The following GMPS variants were observed in gnomAD, a reference collection of about 807,000 sequenced individuals.
GMPS encodes guanosine monophosphate synthase, also known as GMP synthase [glutamine-hydrolyzing].
In GMPS, 15 loss-of-function variants were observed where a neutral mutation model predicts 77.9. The ratio of observed to expected loss-of-function variants is 0.19; its 90% CI spans 0.13 to 0.30. GMPS has a LOEUF of 0.30. GMPS is among the 10% of genes least tolerant of loss of function. GMPS has a pLI of 1.00. For synonymous variants in GMPS, 224 were observed against 275.9 expected, an observed-to-expected ratio of 0.81 and a Z score of 1.86; for missense variants, 590 against 838.8, an observed-to-expected ratio of 0.70 and a Z score of 3.66.
At position 155,943,977 on chromosome 3, in the gene GMPS, CGT is replaced by C. The variant is rs1755952668; in HGVS notation, c.*6286_*6287del. On this transcript the variant is annotated 3_prime_UTR_variant, in exon 16 of 16. Coordinates refer to ENST00000496455, the MANE Select transcript of GMPS (RefSeq NM_003875.3). Reference sequence around the variant, plus strand: ...TTTATTTAAATGAGCTAAAGGTGTGCGTATACACATGCACTTATAAAATTAAA... The same window carrying C: ...TTTATTTAAATGAGCTAAAGGTGTGCATACACATGCACTTATAAAATTAAA... The C allele has an allele frequency of 2.0e-5, 3 of 152,184 alleles. No homozygotes were observed. The South Asian group carries it at 6.2e-4, about 32-fold the overall frequency. The allele number at this position is 152,184 out of a possible 1,614,324, so 9.4% of individuals were successfully genotyped here. A position where few individuals can be genotyped will look rare whatever the true frequency, so the allele number is the denominator to read the frequency against.
At chr3:155,895,308 T>A (rs1754575376) in intron 2 of GMPS, 1 of 152,146 alleles carries the variant, frequency 6.6e-6, no homozygotes, top group African/African-American at 2.4e-5. Flanking sequence ...TTTTATTTTT[T>A]TTTTATTATT....
chr3:155,936,205 A>G (rs951578149), intron 14 of GMPS, 133 bp from the exon 15 acceptor site: 12 of 618,144 alleles, frequency 1.9e-5, no homozygotes, highest in Middle Eastern at 4.4e-4. Context: ...GCTGAAATCA[A>G]TGCATGATGA....
intron 9 of GMPS, among the ~76,000 whole-genome samples, chr3:155,917,511 T>C (rs1755212310): frequency 6.6e-6 from 1 of 152,210 alleles, no homozygotes; most frequent in Admixed American, 6.5e-5. Flanking sequence ...TTTTGTGACT[T>C]GCTTATTTCA....
chr3:155,935,105 T>C, intron 14 of GMPS, 59 bp downstream of exon 14: 2 of 1,188,690 alleles, frequency 1.7e-6, no homozygotes, highest in African/African-American at 1.5e-5. Flanking sequence ...AAGCTTGATA[T>C]TAAGAGTAGG....
intron 1 of GMPS, among the ~76,000 whole-genome samples, chr3:155,876,623 T>C (rs1754055249): frequency 6.6e-6 from 1 of 152,228 alleles, no homozygotes; most frequent in Non-Finnish European, 1.5e-5. Context: ...CTAACAGATG[T>C]ACATCAGGAG....
chr3:155,876,550 A>G (rs1754054078), intron 1 of GMPS, among the ~76,000 whole-genome samples: 1 of 152,236 alleles, frequency 6.6e-6, no homozygotes, highest in Non-Finnish European at 1.5e-5. Flanking sequence ...TAAGGCAGTT[A>G]TTCATAGTAT....
intron 1 of GMPS, among the ~76,000 whole-genome samples, chr3:155,874,039 T>C (rs406701): frequency 0.81 from 123,771 of 152,142 alleles, 50,542 homozygotes; most frequent in African/African-American, 0.86. Flanking sequence ...ACCCGCTTCC[T>C]ACCCTTTCCC....
chr3:155,930,064 C>T (rs1343999309), intron 12 of GMPS, among the ~76,000 whole-genome samples: 1 of 146,694 alleles, frequency 6.8e-6, no homozygotes, highest in African/African-American at 2.5e-5. Context: ...CAATCCTAAG[C>T]CAAAAGAACA....
rs181047242 is a variant in GMPS at position 155,872,254 on chromosome 3, A to T, written c.27+1357A>T. 2.0e-5 allele frequency among the ~76,000 whole-genome samples: 3 copies of T among 152,346 alleles called. No homozygotes were observed. In the East Asian group the frequency reaches 5.8e-4, roughly 29 times the overall value. On this transcript the variant is annotated intron_variant, in intron 1 of 15. Transcript: ENST00000496455. ...TTCAAAAAGTATTTGTCGAACAATG[A>T]GTAAAAGATTATAAGGTAGCTGATT...
intron 3 of GMPS, among the ~76,000 whole-genome samples, chr3:155,900,983 C>T (rs1168963456): frequency 6.6e-6 from 1 of 152,110 alleles, no homozygotes; most frequent in African/African-American, 2.4e-5. Flanking sequence ...CTGGACTCTC[C>T]TGTCAGAGGC....
At chr3:155,894,737 C>T (rs1295737551) in intron 2 of GMPS, among the ~76,000 whole-genome samples, 2 of 152,272 alleles carry the variant, frequency 1.3e-5, no homozygotes, top group South Asian at 4.1e-4. Flanking sequence ...TTAAAGACTT[C>T]ACAGACATGT....
chr3:155,886,164 ATTGCAC>A (rs1754329539), intron 1 of GMPS, among the ~76,000 whole-genome samples: 1 of 151,996 alleles, frequency 6.6e-6, no homozygotes, highest in African/African-American at 2.4e-5. Flanking sequence ...ATATTAAGGG[ATTGCAC>A]TTGTCCATTC....
chr3:155,900,581 C>T (rs1754712376), intron 3 of GMPS, among the ~76,000 whole-genome samples: 1 of 151,992 alleles, frequency 6.6e-6, no homozygotes. Context: ...GAAAAATGCT[C>T]CTTTAATTTA....
chr3:155,886,753 G>A (rs865891235), intron 1 of GMPS, among the ~76,000 whole-genome samples: 18 of 150,054 alleles, frequency 1.2e-4, no homozygotes, highest in African/African-American at 1.7e-4. Context: ...TGATCCACCC[G>A]CCTCAGCCTC....
At chr3:155,879,093 G>A (rs73011105) in intron 1 of GMPS, among the ~76,000 whole-genome samples, 2,663 of 152,062 alleles carry the variant, frequency 0.018, 74 homozygotes, top group African/African-American at 0.061. Flanking sequence ...ATTGGATGAG[G>A]GTGGATCTTC....
chr3:155,891,684 G>T (rs1754470570), intron 1 of GMPS, among the ~76,000 whole-genome samples: 1 of 151,046 alleles, frequency 6.6e-6, no homozygotes, highest in Admixed American at 6.6e-5. Context: ...TTGGCTCACG[G>T]CAACTTCCGC....
intron 2 of GMPS, among the ~76,000 whole-genome samples, chr3:155,896,896 C>T (rs1249245220): frequency 6.6e-6 from 1 of 151,978 alleles, no homozygotes; most frequent in African/African-American, 2.4e-5. Context: ...TTAGATTTTA[C>T]AATGCCTTTT....
At chr3:155,920,959 A>G (rs760966897) in intron 10 of GMPS, among the ~76,000 whole-genome samples, 59 of 152,132 alleles carry the variant, frequency 3.9e-4, no homozygotes, top group Non-Finnish European at 7.4e-4. Flanking sequence ...GGTAAAATAG[A>G]GGTTGGGTAC....
chr3:155,895,893 G>C (rs1344608474), intron 2 of GMPS, among the ~76,000 whole-genome samples: 1 of 152,058 alleles, frequency 6.6e-6, no homozygotes, highest in East Asian at 1.9e-4. Flanking sequence ...AAGGGGTACT[G>C]GGCAGTCCCA....
Sources: gnomAD v4.1 joint callset for allele counts (sites outside exome capture counted in the v4.1 genomes callset) on GRCh38, gnomAD v4.1.1 for gene constraint, MANE v1.5 for transcripts, NCBI Gene and HGNC (gene_info 2026-07-23, HGNC 2026-07-21) for gene names.